MKLN1: variants seen among roughly 807,000 people sequenced by gnomAD.
The protein encoded by MKLN1 is muskelin.
In MKLN1, 18 loss-of-function variants were observed where a neutral mutation model predicts 99.0. The ratio of observed to expected loss-of-function variants is 0.18; its 90% CI spans 0.13 to 0.27. The LOEUF is 0.27. MKLN1 is among the 10% of genes least tolerant of loss of function. MKLN1 has a pLI of 1.00. For synonymous variants in MKLN1, 288 were observed against 293.2 expected (o/e 0.98, Z 0.18); for missense variants, 621 against 875.9 (o/e 0.71, Z 3.67).
At chr7:131,157,422 A>G (rs1312256972) in intron 2 of MKLN1, among the ~76,000 whole-genome samples, 1 of 152,076 alleles carries the variant, frequency 6.6e-6, no homozygotes, top group Non-Finnish European at 1.5e-5. Flanking sequence ...TCCTTAGAGC[A>G]AAAATTTTTA....
Position 131,275,567 on chromosome 7 carries a change from A to ATATTTTTT in MKLN1, c.-179+72594_-179+72595insATTTTTTT, listed in dbSNP as rs1336398554. Among the ~76,000 whole-genome samples the ATATTTTTT allele has an allele frequency of 8.9e-4, 5 of 5,618 alleles. 1 individual carries two copies. The highest frequency in any genetic ancestry group is 1.2e-3 in the Non-Finnish European group (3 of 2,534). The allele number at this position is 5,618 out of a possible 152,430, so 3.7% of individuals were successfully genotyped here. A position where few individuals can be genotyped will look rare whatever the true frequency, so the allele number is the denominator to read the frequency against. On this transcript the variant is annotated intron_variant, in intron 3 of 7. Coordinates refer to the MKLN1 transcript ENST00000416992. ...TATATATATATATATATATATATAT[A>ATATTTTTT]TTTTTTTTTTTTTTTTTTTTTTTTT...
intron 11 of MKLN1, among the ~76,000 whole-genome samples, chr7:131,444,074 T>A (rs926063176): frequency 6.6e-6 from 1 of 152,112 alleles, no homozygotes; most frequent in Non-Finnish European, 1.5e-5. Context: ...AATTTAAGAT[T>A]TGATTTTATA....
intron 2 of MKLN1, among the ~76,000 whole-genome samples, chr7:131,166,451 C>A (rs541299576): frequency 6.9e-5 from 10 of 145,280 alleles, no homozygotes; most frequent in Admixed American, 2.1e-4. Context: ...AACATCCTTA[C>A]AATGGCTGAT....
intron 12 of MKLN1, among the ~76,000 whole-genome samples, chr7:131,454,823 TG>T (rs1324941824): frequency 6.6e-6 from 1 of 152,196 alleles, no homozygotes; most frequent in Non-Finnish European, 1.5e-5. Flanking sequence ...CTCCCTGCTT[TG>T]GGTGCTCTAT....
intron 1 of MKLN1, among the ~76,000 whole-genome samples, chr7:131,337,656 G>C (rs544664337): frequency 6.6e-4 from 100 of 151,668 alleles, no homozygotes; most frequent in African/African-American, 2.2e-3. Flanking sequence ...TTCAATATCT[G>C]TATCACCTAT....
intron 15 of MKLN1, among the ~76,000 whole-genome samples, chr7:131,467,175 G>A (rs1485776489): frequency 6.6e-6 from 1 of 152,144 alleles, no homozygotes; most frequent in Non-Finnish European, 1.5e-5. Context: ...ATTACTTTAT[G>A]CTAGACCCTG....
At chr7:131,417,785 A>G (rs985298563) in intron 8 of MKLN1, among the ~76,000 whole-genome samples, 4 of 152,228 alleles carry the variant, frequency 2.6e-5, no homozygotes, top group Non-Finnish European at 4.4e-5. Flanking sequence ...ATCATTCACT[A>G]TAGAGGGGAA....
At chr7:131,135,077 A>G (rs566504624) in intron 1 of MKLN1, among the ~76,000 whole-genome samples, 28 of 152,062 alleles carry the variant, frequency 1.8e-4, no homozygotes, top group African/African-American at 6.3e-4. Flanking sequence ...TTGCCAACTC[A>G]TCTCCTCCTT....
At chr7:131,468,703 A>G (rs1257349606) in intron 15 of MKLN1, among the ~76,000 whole-genome samples, 2 of 152,216 alleles carry the variant, frequency 1.3e-5, no homozygotes, top group African/African-American at 4.8e-5. Flanking sequence ...TTAATTTAGG[A>G]ACAGGGCAGA....
At chr7:131,131,787 A>C (rs1795555340) in intron 1 of MKLN1, among the ~76,000 whole-genome samples, 1 of 152,216 alleles carries the variant, frequency 6.6e-6, no homozygotes, top group Admixed American at 6.5e-5. Flanking sequence ...ACTTCTGCTA[A>C]GGAATCAAAG....
Position 131,200,653 on chromosome 7 carries a change from T to G in MKLN1, c.-296-2204T>G, listed in dbSNP as rs1164984939. ...TTATATCAAAATTGAAGATAATTAC[T>G]TAATCAAAAGTACAGATTTTCCATG... On this transcript the variant is annotated intron_variant, in intron 2 of 7. Coordinates refer to the MKLN1 transcript ENST00000416992. 2.0e-5 allele frequency among the ~76,000 whole-genome samples: 3 copies of G among 152,252 alleles called. No homozygotes were observed. The East Asian group carries it at 5.8e-4, about 29-fold the overall frequency.
At chr7:131,484,413 T>G (rs1416622499) in intron 17 of MKLN1, among the ~76,000 whole-genome samples, 1 of 152,180 alleles carries the variant, frequency 6.6e-6, no homozygotes, top group Non-Finnish European at 1.5e-5. Context: ...AAGAGGTAGA[T>G]GAAGAACAAA....
At chr7:131,285,294 G>A (rs1226269803) in intron 3 of MKLN1, among the ~76,000 whole-genome samples, 1 of 152,230 alleles carries the variant, frequency 6.6e-6, no homozygotes, top group Non-Finnish European at 1.5e-5. Context: ...GGAGGAAAAA[G>A]GGCCTCAGCC....
At chr7:131,424,066 T>C (rs1456988588) in intron 8 of MKLN1, among the ~76,000 whole-genome samples, 1 of 152,210 alleles carries the variant, frequency 6.6e-6, no homozygotes, top group African/African-American at 2.4e-5. Flanking sequence ...ATTTTTCCCC[T>C]CTTCAAAAAA....
At chr7:131,118,351 C>T (rs554544906) in intron 1 of MKLN1, among the ~76,000 whole-genome samples, 21 of 152,152 alleles carry the variant, frequency 1.4e-4, no homozygotes, top group South Asian at 6.2e-4. Context: ...GTCAGGAGTT[C>T]GAGACCAGCC....
At chr7:131,434,916 T>TA (rs1213519959) in intron 9 of MKLN1, among the ~76,000 whole-genome samples, 1 of 152,226 alleles carries the variant, frequency 6.6e-6, no homozygotes, top group Admixed American at 6.5e-5. Flanking sequence ...AGAGCAATGT[T>TA]AAATATAAGT....
At chr7:131,166,537 G>A (rs768487464) in intron 2 of MKLN1, among the ~76,000 whole-genome samples, 1 of 152,152 alleles carries the variant, frequency 6.6e-6, no homozygotes, top group Non-Finnish European at 1.5e-5. Flanking sequence ...GCTGGGCACT[G>A]CCACCCTGGC....
chr7:131,387,013 A>G, intron 2 of MKLN1, 107 bp from the exon 3 acceptor site: 1 of 1,029,630 alleles, frequency 9.7e-7, no homozygotes, highest in Non-Finnish European at 1.4e-6. Context: ...TACAGGATGG[A>G]CAAGGATGGA....
chr7:131,429,118 A>G lies in MKLN1; in HGVS notation c.933A>G (p.Thr311=), dbSNP rs762075147. 33 of 1,613,592 alleles carry G rather than the reference A, an allele frequency of 2.0e-5. No individual in the cohort carries two copies. In the Middle Eastern group the frequency reaches 1.3e-3, roughly 64 times the overall value. ...WAYSVKENQW[T]CISRDTEKEN... is the part of the protein sequence containing the mutation. The stretch of plus-strand genomic sequence containing the variant: ...ACAGTGTGAAGGAGAACCAGTGGAC[A>G]TGTATCTCTAGAGACACTGAAAAAG... The change falls in exon 9 of 18, where the codon ACA becomes ACG. Residue 311 remains threonine (T), a synonymous_variant. Transcript: ENST00000352689.
Sources: allele counts gnomAD v4.1 joint callset (sites outside exome capture counted in the v4.1 genomes callset), GRCh38; gene constraint gnomAD v4.1.1; transcripts MANE v1.5; gene names NCBI Gene and HGNC (gene_info 2026-07-23, HGNC 2026-07-21).